Variants in SEMA4D observed in about 807,000 individuals in gnomAD.
SEMA4D encodes semaphorin 4D, also known as semaphorin-4D.
In SEMA4D, 22 loss-of-function variants were observed where a neutral mutation model predicts 74.8. The observed-to-expected ratio is 0.29, with a 90% CI of 0.21 to 0.42. The LOEUF (loss-of-function observed/expected upper bound fraction) is 0.42, where lower values mean the gene tolerates loss of function less well. SEMA4D is among the 10% of genes least tolerant of loss of function. The pLI, the probability that SEMA4D is intolerant of heterozygous loss-of-function variation, is 1.00. For synonymous variants in SEMA4D, 445 were observed against 463.7 expected (o/e 0.96, Z 0.52); for missense variants, 937 against 1,118.4 (o/e 0.84, Z 2.31).
intron 1 of SEMA4D, among the ~76,000 whole-genome samples, chr9:89,476,853 C>T (rs988024827): frequency 3.9e-5 from 6 of 152,206 alleles, no homozygotes; most frequent in African/African-American, 1.4e-4. Flanking sequence ...ATGGCACCAA[C>T]AAAAAGTCAT....
rs756188706 is a variant in SEMA4D, at chr9:89,378,731, G to A, written c.2562C>T (p.Phe854=). Residue 854 remains phenylalanine, a synonymous_variant, in exon 16 of 16, where the codon TTC becomes TTT. Transcript: ENST00000422704. ...AGTCTCCATCTGCGTCTGAGTCAGC[G>A]AACTTCAGCTCACACTTGACGTCAA... ...KPFDVKCELK[F]ADSDADGD is the part of the protein sequence containing the mutation. The A allele has an allele frequency of 1.5e-5, 25 of 1,614,108 alleles. No individual in the cohort carries two copies. Among genetic ancestry groups the A allele is most frequent in the East Asian group, 4.5e-5 (2 of 44,888 alleles).
In SEMA4D at chr9:89,450,659, GGAA is replaced by G. The variant is rs1468199204; in HGVS notation, c.-244+5226_-244+5228del. ...AGAGTTCTGCAAGTCGAAAAACCCAGGAAAAAAAAAAAAAAAAAAAAAAAAAAA... is the reference window on the plus strand; with the variant it reads ...AGAGTTCTGCAAGTCGAAAAACCCAGAAAAAAAAAAAAAAAAAAAAAAAAA... On this transcript the variant is annotated intron_variant, in intron 2 of 15. Coordinates refer to ENST00000422704, the MANE Select transcript of SEMA4D (RefSeq NM_001371194.2). 488 of 421,054 alleles carry G rather than the reference GGAA, an allele frequency of 1.2e-3. 43 individuals carry two copies. The highest frequency in any genetic ancestry group is 1.4e-3 in the Non-Finnish European group (347 of 254,240). The allele number at this position is 421,054 out of a possible 1,614,324, so 26.1% of individuals were successfully genotyped here.
At chr9:89,434,261 A>G (rs970498833) in intron 2 of SEMA4D, among the ~76,000 whole-genome samples, 5 of 151,916 alleles carry the variant, frequency 3.3e-5, no homozygotes, top group African/African-American at 1.2e-4. Flanking sequence ...GTGTAGGTAG[A>G]GGAGGGAGGG....
chr9:89,431,766 G>A (rs1462832233), intron 2 of SEMA4D, among the ~76,000 whole-genome samples: 1 of 152,152 alleles, frequency 6.6e-6, no homozygotes, highest in Admixed American at 6.5e-5. Flanking sequence ...CCAAAGCCCT[G>A]TGATTACAGG....
intron 16 of SEMA4D, chr9:89,364,112 C>T (rs926522803): frequency 4.8e-6 from 7 of 1,457,466 alleles, no homozygotes; most frequent in African/African-American, 1.4e-5. Flanking sequence ...GGTGGCTTCC[C>T]CATGGCCAGC....
chr9:89,484,949 T>C lies in SEMA4D; in HGVS notation c.-310+12970A>G, dbSNP rs1477086986. ...GTATGTGTGTGTTGTTTGGTGTGTG[T>C]GTACTGGGTGGGTGGTGGAGGCATA... On this transcript the variant is annotated intron_variant, in intron 1 of 15. Transcript: ENST00000422704. The surrounding 1 kb of genome is among the most constrained non-coding windows in gnomAD (Gnocchi z 4.1). 1.3e-5 allele frequency among the ~76,000 whole-genome samples: 2 copies of C among 151,350 alleles called. No individual in the cohort carries two copies. The highest frequency in any genetic ancestry group is 2.4e-5 in the African/African-American group (1 of 41,132).
intron 6 of SEMA4D, 92 bp downstream of exon 6, chr9:89,396,645 G>T (rs2133377903): frequency 9.5e-7 from 1 of 1,052,440 alleles, no homozygotes; most frequent in Non-Finnish European, 1.4e-6. Context: ...TTTTTTTAGG[G>T]TGGAGACAGC....
chr9:89,445,230 C>G (rs1181356740), intron 2 of SEMA4D, among the ~76,000 whole-genome samples: 2 of 152,206 alleles, frequency 1.3e-5, no homozygotes, highest in Non-Finnish European at 2.9e-5. Flanking sequence ...AAGGAAGAGA[C>G]ACACGCTCTT....
chr9:89,392,511 C>T lies in SEMA4D; in HGVS notation c.534G>A (p.Ser178=), dbSNP rs773609939. The T allele has an allele frequency of 5.0e-6, 8 of 1,613,604 alleles. No individual in the cohort carries two copies. Among genetic ancestry groups the T allele is most frequent in the East Asian group, 2.2e-5 (1 of 44,890 alleles). ...MVDGELYSGT[S]YNFLGSEPII... ...TGGGTTCACTTCCCAAAAAATTATA[C>T]GACGTCCCCGAATAAAGTTCTCCAT... is the stretch of plus-strand genomic sequence containing the variant. Residue 178 remains serine (S), a synonymous_variant, in exon 8 of 16, where the codon TCG becomes TCA. Coordinates refer to ENST00000422704, the MANE Select transcript of SEMA4D (RefSeq NM_001371194.2).
chr9:89,418,463 A>G (rs1295599326), intron 2 of SEMA4D: 2 of 973,638 alleles, frequency 2.1e-6, no homozygotes, highest in Non-Finnish European at 2.4e-6. Flanking sequence ...GTACTATCTA[A>G]TTGTCTATTA....
chr9:89,494,880 C>G (rs1348805357), intron 1 of SEMA4D, among the ~76,000 whole-genome samples: 1 of 152,158 alleles, frequency 6.6e-6, no homozygotes, highest in Admixed American at 6.5e-5. Context: ...GTTATTCTAA[C>G]ATAACCACGA....
rs530311630 is a variant in SEMA4D at position 89,364,105 on chromosome 9, G to A, written c.1883-155C>T. Reference sequence around the variant, plus strand: ...CAGTCCCTGGGACTGCCCTGGAGGTGGCTTCCCCATGGCCAGCGGGAGCCT... The same window carrying A: ...CAGTCCCTGGGACTGCCCTGGAGGTAGCTTCCCCATGGCCAGCGGGAGCCT... On this transcript the variant is annotated intron_variant, in intron 16 of 18. Transcript: ENST00000339861. The A allele has an allele frequency of 1.5e-4, 230 of 1,501,006 alleles. 2 individuals carry two copies. In the East Asian group the frequency reaches 5.4e-3, roughly 35 times the overall value. The allele number at this position is 1,501,006 out of a possible 1,614,324, so 93.0% of individuals were successfully genotyped here. A position where few individuals can be genotyped will look rare whatever the true frequency, so the allele number is the denominator to read the frequency against.
intron 2 of SEMA4D, among the ~76,000 whole-genome samples, chr9:89,429,008 G>A (rs1848686265): frequency 6.6e-6 from 1 of 152,188 alleles, no homozygotes; most frequent in African/African-American, 2.4e-5. Flanking sequence ...TGTGGGGGGG[G>A]TCTCCCCTTC....
intron 2 of SEMA4D, among the ~76,000 whole-genome samples, chr9:89,416,320 A>G (rs533530353): frequency 1.2e-4 from 19 of 152,364 alleles, no homozygotes; most frequent in Non-Finnish European, 1.8e-4. Flanking sequence ...GTGACAGTAA[A>G]ATGTGCAACC....
chr9:89,452,612 C>T (rs1048160181), intron 2 of SEMA4D, among the ~76,000 whole-genome samples: 2 of 151,988 alleles, frequency 1.3e-5, no homozygotes, highest in Non-Finnish European at 2.9e-5. Context: ...CCACCACGCC[C>T]GGCTAATTTT....
At chr9:89,363,171 G>A (rs1832979726) in intron 18 of SEMA4D, among the ~76,000 whole-genome samples, 1 of 152,210 alleles carries the variant, frequency 6.6e-6, no homozygotes, top group African/African-American at 2.4e-5. Flanking sequence ...CCCCACCTGT[G>A]AGTCCCTCCC....
At position 89,490,131 on chromosome 9, in the gene SEMA4D, G is replaced by A. The variant is rs559970832; in HGVS notation, c.-310+7788C>T. 6.6e-5 allele frequency among the ~76,000 whole-genome samples: 10 copies of A among 151,274 alleles called. No homozygotes were observed. In the South Asian group the frequency reaches 1.5e-3, roughly 22 times the overall value. ...AACTAATGATGTTAAGCACCTTCTC[G>A]CATGTTTATTGGCCGTTTGTAAATC... On this transcript the variant is annotated intron_variant, in intron 1 of 15. Coordinates refer to ENST00000422704, the MANE Select transcript of SEMA4D (RefSeq NM_001371194.2).
chr9:89,375,421 A>ACC (rs1389535802), downstream of SEMA4D, among the ~76,000 whole-genome samples: 1 of 152,208 alleles, frequency 6.6e-6, no homozygotes, highest in Non-Finnish European at 1.5e-5. Flanking sequence ...CTCCATGCTC[A>ACC]CCGGCAGCTT....
At chr9:89,400,649 T>C (rs1203160511) in intron 4 of SEMA4D, among the ~76,000 whole-genome samples, 1 of 152,208 alleles carries the variant, frequency 6.6e-6, no homozygotes, top group African/African-American at 2.4e-5. Context: ...AAATAGCCAC[T>C]TCCTTCAGCA....
Sources: gnomAD v4.1 joint callset for allele counts (sites outside exome capture counted in the v4.1 genomes callset) on GRCh38, gnomAD v4.1.1 for gene constraint, Gnocchi (gnomAD v3.1) non-coding constraint, MANE v1.5 for transcripts, NCBI Gene and HGNC (gene_info 2026-07-23, HGNC 2026-07-21) for gene names.